Variants in PKN2 observed in about 807,000 individuals in gnomAD.
PKN2 encodes protein kinase N2.
Under a neutral mutation model 119.1 loss-of-function variants are expected in PKN2, and 38 were observed. That is an observed-to-expected ratio of 0.32 (90% CI 0.25 to 0.42). PKN2 has a LOEUF of 0.42. Ranked by LOEUF, PKN2 falls within the 10% of genes least tolerant of loss-of-function variation. PKN2 has a pLI of 1.00. For missense variants in PKN2, 850 were observed against 1,165.1 expected (o/e 0.73, Z 3.94); for synonymous variants, 390 against 384.9 (o/e 1.01, Z -0.15).
chr1:88,781,424 G>C (rs1355785981), intron 6 of PKN2, among the ~76,000 whole-genome samples: 1 of 151,926 alleles, frequency 6.6e-6, no homozygotes, highest in African/African-American at 2.4e-5. Context: ...AGTGAAATAG[G>C]TATAAAATAG....
chr1:88,836,244 A>G lies in PKN2; in HGVS notation c.*2796A>G, dbSNP rs1672940364. On this transcript the variant is annotated 3_prime_UTR_variant, in exon 22 of 22. Transcript: ENST00000370521. ...TCTCAAAAAGGCAAATGAATAAAAC[A>G]GAATACTAGTATTTTATAGTAATCT... The G allele has an allele frequency of 6.6e-6, 1 of 152,176 alleles. No individual in the cohort carries two copies. The allele number at this position is 152,176 out of a possible 1,614,324, so 9.4% of individuals were successfully genotyped here.
intron 1 of PKN2, among the ~76,000 whole-genome samples, chr1:88,735,630 T>C: frequency 8.7e-6 from 1 of 115,092 alleles, no homozygotes; most frequent in African/African-American, 3.2e-5. Context: ...CCCAATCTTT[T>C]TTTTTCTTTA....
rs754058824 is a variant in PKN2 at position 88,741,254 on chromosome 1, A to T, written c.315A>T (p.Ala105=). The T allele has an allele frequency of 2.5e-6, 4 of 1,594,272 alleles. No homozygotes were observed. The highest frequency in any genetic ancestry group is 3.4e-6 in the Non-Finnish European group (4 of 1,173,918). Residue 105 remains alanine, a synonymous_variant, in exon 2 of 22, where the codon GCA becomes GCT. Transcript: ENST00000370521. Reference sequence around the variant, plus strand: ...ATCACAAGCTGCAGGAATTAAATGCACATATTGTTGTATCAGATCCAGAAG... The same window carrying T: ...ATCACAAGCTGCAGGAATTAAATGCTCATATTGTTGTATCAGATCCAGAAG... ...ELHHKLQELN[A]HIVVSDPEDI...
At chr1:88,692,350 C>T (rs978796875) in intron 1 of PKN2, among the ~76,000 whole-genome samples, 2 of 152,308 alleles carry the variant, frequency 1.3e-5, no homozygotes, top group South Asian at 2.1e-4. Flanking sequence ...ATGTTTCCTA[C>T]TGTGCATGTG....
intron 4 of PKN2, among the ~76,000 whole-genome samples, chr1:88,770,676 C>T (rs1669853877): frequency 6.6e-6 from 1 of 150,702 alleles, no homozygotes; most frequent in East Asian, 2.0e-4. Context: ...AGCTCCGCCT[C>T]CCGGGTTCAC....
chr1:88,739,677 A>G (rs1335917192), intron 1 of PKN2, among the ~76,000 whole-genome samples: 2 of 152,236 alleles, frequency 1.3e-5, no homozygotes, highest in African/African-American at 4.8e-5. Flanking sequence ...GTGTTTCAGA[A>G]TTTAAACATT....
chr1:88,726,067 C>T lies in PKN2; in HGVS notation c.49-14921C>T, dbSNP rs576741624. Among the ~76,000 whole-genome samples the T allele has an allele frequency of 6.6e-5, 10 of 152,170 alleles. No individual in the cohort carries two copies. In the East Asian group the frequency reaches 9.6e-4, roughly 15 times the overall value. Reference sequence around the variant, plus strand: ...ATGGCTCTTGTATTCTGTGATTTTGCGAACTCACTTATTGTAGATGTTTTC... The same window carrying T: ...ATGGCTCTTGTATTCTGTGATTTTGTGAACTCACTTATTGTAGATGTTTTC... On this transcript the variant is annotated intron_variant, in intron 1 of 21. Transcript: ENST00000370521.
At chr1:88,797,738 G>T (rs1395611213) in intron 8 of PKN2, among the ~76,000 whole-genome samples, 1 of 151,992 alleles carries the variant, frequency 6.6e-6, no homozygotes, top group Non-Finnish European at 1.5e-5. Flanking sequence ...TTGTTATTAG[G>T]AAATCACTGC....
intron 2 of PKN2, among the ~76,000 whole-genome samples, chr1:88,753,004 A>G (rs1272038649): frequency 6.6e-6 from 1 of 152,116 alleles, no homozygotes; most frequent in East Asian, 1.9e-4. Flanking sequence ...ATCAATTATT[A>G]AAAGTTCGAT....
chr1:88,816,603 A>G (rs536615248), intron 16 of PKN2, among the ~76,000 whole-genome samples: 153 of 152,190 alleles, frequency 1.0e-3, no homozygotes, highest in Non-Finnish European at 1.8e-3. Context: ...GATCCTTAAA[A>G]CTTCTGGTAA....
At chr1:88,829,333 AACAGCT>A in intron 19 of PKN2, 11 of 511,310 alleles carry the variant, frequency 2.2e-5, no homozygotes, top group South Asian at 4.4e-5. Flanking sequence ...TCGCTACACC[AACAGCT>A]CCACCGAGAT....
intron 18 of PKN2, among the ~76,000 whole-genome samples, chr1:88,828,041 T>C (rs540305293): frequency 3.4e-4 from 52 of 152,236 alleles, no homozygotes; most frequent in Admixed American, 9.8e-4. Flanking sequence ...CTCTGTATTA[T>C]ATGACACATT....
At chr1:88,811,533 TAGG>T (rs1312458004) in intron 15 of PKN2, among the ~76,000 whole-genome samples, 2 of 152,178 alleles carry the variant, frequency 1.3e-5, no homozygotes, top group East Asian at 1.9e-4. Flanking sequence ...TAGCAGTTCT[TAGG>T]AGGAAATCAG....
Position 88,813,696 on chromosome 1 carries a change from C to G in PKN2, c.2242C>G (p.His748Asp). 6.2e-7 allele frequency: 1 copy of G among 1,600,558 alleles called. No individual in the cohort carries two copies. Among genetic ancestry groups the G allele is most frequent in the Non-Finnish European group, 8.5e-7 (1 of 1,175,656 alleles). ...EYAAGGDLMM[H>D]IHTDVFSEPR... is the part of the protein sequence containing the mutation. Reference sequence around the variant, plus strand: ...TGCTGCCGGTGGGGACCTAATGATGCACATTCATACTGATGTCTTTTCTGA... The same window carrying G: ...TGCTGCCGGTGGGGACCTAATGATGGACATTCATACTGATGTCTTTTCTGA... The change falls in exon 16 of 22, where the codon CAC becomes GAC. Residue 748 changes from histidine to aspartate, a missense_variant. Transcript: ENST00000370521.
intron 3 of PKN2, among the ~76,000 whole-genome samples, chr1:88,762,840 G>A (rs1460422033): frequency 6.6e-6 from 1 of 152,202 alleles, no homozygotes; most frequent in African/African-American, 2.4e-5. Context: ...TAGGGATGGT[G>A]TTGTGGGTGA....
intron 1 of PKN2, among the ~76,000 whole-genome samples, chr1:88,728,912 T>TG (rs2100721933): frequency 6.6e-6 from 1 of 151,756 alleles, no homozygotes; most frequent in Admixed American, 6.6e-5. Context: ...TTTTTTTTTT[T>TG]TAGATGGAGT....
chr1:88,748,406 G>C (rs777325592), intron 2 of PKN2, among the ~76,000 whole-genome samples: 15 of 152,086 alleles, frequency 9.9e-5, no homozygotes, highest in Admixed American at 2.0e-4. Context: ...CCTTCAAGTT[G>C]TTGTGTGTAT....
chr1:88,739,722 A>G (rs1156453879), intron 1 of PKN2, among the ~76,000 whole-genome samples: 1 of 152,228 alleles, frequency 6.6e-6, no homozygotes, highest in African/African-American at 2.4e-5. Flanking sequence ...TGGACTTTGA[A>G]ACAGTAAATG....
intron 3 of PKN2, among the ~76,000 whole-genome samples, chr1:88,763,862 G>A (rs1669549330): frequency 6.6e-6 from 1 of 152,076 alleles, no homozygotes; most frequent in African/African-American, 2.4e-5. Context: ...GAATTATGGT[G>A]CCCTTTATAA....
Sources: allele counts gnomAD v4.1 joint callset (sites outside exome capture counted in the v4.1 genomes callset), GRCh38; gene constraint gnomAD v4.1.1; transcripts MANE v1.5; gene names NCBI Gene and HGNC (gene_info 2026-07-23, HGNC 2026-07-21).